SLIT3: variants seen among roughly 807,000 people sequenced by gnomAD.
The protein encoded by SLIT3 is slit homolog 3 protein.
Under a neutral mutation model 184.0 loss-of-function variants are expected in SLIT3, and 68 were observed. The ratio of observed to expected loss-of-function variants is 0.37; its 90% CI spans 0.30 to 0.45. The LOEUF (loss-of-function observed/expected upper bound fraction) is 0.45. SLIT3 is among the 20% of genes least tolerant of loss of function. The probability of loss-of-function intolerance (pLI) is 1.00; values close to 1 mark genes in which losing one functional copy is unlikely to be tolerated. For missense variants in SLIT3, 1,707 were observed against 2,026.0 expected, an observed-to-expected ratio of 0.84 and a Z score of 3.02; for synonymous variants, 831 against 828.6, an observed-to-expected ratio of 1.00 and a Z score of -0.05.
chr5:169,102,983 C>G (rs979095662), intron 4 of SLIT3, among the ~76,000 whole-genome samples: 1 of 152,162 alleles, frequency 6.6e-6, no homozygotes, highest in African/African-American at 2.4e-5. Flanking sequence ...ACTGAATCTT[C>G]GCTAAAACTT....
chr5:168,861,663 A>G (rs2113749281), intron 5 of SLIT3, among the ~76,000 whole-genome samples: 1 of 152,280 alleles, frequency 6.6e-6, no homozygotes, highest in African/African-American at 2.4e-5. Flanking sequence ...ACCAGAGAAA[A>G]TTTGCACATC....
rs1375105806 is a variant in SLIT3, at chr5:168,883,329, T to C, written c.421A>G (p.Ser141Gly). The change falls in exon 5 of 36, where the codon AGT (serine) becomes GGT (glycine). Residue 141 changes from serine to glycine, a missense_variant. Physicochemically the swap from Ser to Gly is moderately conservative, Grantham distance 56. This residue lies in a region of SLIT3 where 1,307 missense variants were observed against 1,511.6 expected (regional missense o/e 0.86). Transcript: ENST00000519560. The stretch of plus-strand genomic sequence containing the variant: ...GGGATCCCCTGGATCTGGTTTTCAC[T>C]CAAATCTCTAAACAAGAAGAGAAGA... ...STPKLTRLDL[S>G]ENQIQGIPRK... 6.2e-7 allele frequency: 1 copy of C among 1,613,394 alleles called. No homozygotes were observed. Among genetic ancestry groups the C allele is most frequent in the African/African-American group, 1.3e-5 (1 of 74,888 alleles).
Position 169,195,817 on chromosome 5 carries a change from T to C in SLIT3, c.342-2267A>G, listed in dbSNP as rs553996912. 1.2e-4 allele frequency among the ~76,000 whole-genome samples: 18 copies of C among 152,288 alleles called. No homozygotes were observed. In the Middle Eastern group the frequency reaches 0.01, roughly 86 times the overall value. ...CTGGAATTACAGGAGTGAGTCACCG[T>C]GCCCGGCTGAGGGAAGCCTGACTCT... On this transcript the variant is annotated intron_variant, in intron 3 of 35. Transcript: ENST00000519560.
In SLIT3 at chr5:168,710,994, C is replaced by A; in HGVS notation, c.2620G>T (p.Ala874Ser). 6.4e-7 allele frequency: 1 copy of A among 1,573,024 alleles called. No individual in the cohort carries two copies. Among genetic ancestry groups the A allele is most frequent in the African/African-American group, 1.3e-5 (1 of 74,094 alleles). Residue 874 changes from alanine (A) to serine (S), a missense_variant, in exon 25 of 36, where the codon GCG (alanine) becomes TCG (serine). Ala to Ser is a moderately conservative substitution (Grantham distance 99). This residue lies in a region of SLIT3 where 1,307 missense variants were observed against 1,511.6 expected (regional missense o/e 0.86). Transcript: ENST00000519560. Reference sequence around the variant, plus strand: ...GCGATGCCAGGCTCCTTGTACCCCGCCTTCACCCACTCCGACAGCCACCGA... The same window carrying A: ...GCGATGCCAGGCTCCTTGTACCCCGACTTCACCCACTCCGACAGCCACCGA... ...SLRWLSEWVK[A>S]GYKEPGIARC...
chr5:169,140,565 G>A (rs1271131093), intron 4 of SLIT3, among the ~76,000 whole-genome samples: 3 of 151,136 alleles, frequency 2.0e-5, no homozygotes, highest in African/African-American at 7.3e-5. Flanking sequence ...TAAACTTTGG[G>A]AGCCTGAGGC....
intron 4 of SLIT3, among the ~76,000 whole-genome samples, chr5:169,033,970 G>A (rs558094803): frequency 4.6e-4 from 70 of 151,734 alleles, no homozygotes; most frequent in African/African-American, 1.6e-3. Flanking sequence ...CCACCACCAC[G>A]CCCGGCTAAT....
At chr5:169,122,670 T>C (rs897253558) in intron 4 of SLIT3, among the ~76,000 whole-genome samples, 4 of 152,298 alleles carry the variant, frequency 2.6e-5, no homozygotes, top group African/African-American at 4.8e-5. Context: ...AGGTTACCGG[T>C]AACACCATCA....
chr5:168,917,206 C>T (rs1285927162), intron 4 of SLIT3, among the ~76,000 whole-genome samples: 1 of 152,192 alleles, frequency 6.6e-6, no homozygotes, highest in Non-Finnish European at 1.5e-5. Flanking sequence ...GAAATCAATA[C>T]CCTACCTAAG....
At position 168,696,279 on chromosome 5, in the gene SLIT3, A is replaced by G; in HGVS notation, c.3082+13T>C. The G allele has an allele frequency of 6.2e-7, 1 of 1,614,174 alleles. No homozygotes were observed. ...CCTCCACCCCACCATACATACAGTC[A>G]TGAGATCCTTACCTGTGTAGTTAGG... On this transcript the variant is annotated intron_variant, in intron 28 of 35. Transcript: ENST00000519560.
intron 4 of SLIT3, among the ~76,000 whole-genome samples, chr5:169,082,196 G>C (rs374505210): frequency 6.6e-6 from 1 of 152,198 alleles, no homozygotes; most frequent in East Asian, 1.9e-4. Context: ...CCATGTGGAA[G>C]CCACGCCAAA....
chr5:168,897,342 A>G (rs2113819896), intron 4 of SLIT3, among the ~76,000 whole-genome samples: 1 of 152,222 alleles, frequency 6.6e-6, no homozygotes, highest in Admixed American at 6.5e-5. Context: ...GACAGACCAG[A>G]AAGTCAGCCT....
chr5:169,205,571 G>A (rs1160628681), intron 3 of SLIT3, among the ~76,000 whole-genome samples: 3 of 152,182 alleles, frequency 2.0e-5, no homozygotes, highest in African/African-American at 7.2e-5. Flanking sequence ...ATACTTGTTG[G>A]TTAGTTGGTT....
chr5:169,226,840 G>A (rs1764829281), intron 3 of SLIT3, among the ~76,000 whole-genome samples: 1 of 152,164 alleles, frequency 6.6e-6, no homozygotes, highest in Non-Finnish European at 1.5e-5. Flanking sequence ...TCGTGGCCTA[G>A]ATTCACTTCT....
chr5:168,901,848 G>T (rs756468344), intron 4 of SLIT3, among the ~76,000 whole-genome samples: 2 of 152,130 alleles, frequency 1.3e-5, no homozygotes, highest in Non-Finnish European at 2.9e-5. Flanking sequence ...CTACCTCTTT[G>T]CCATATGCCC....
chr5:169,172,057 G>A (rs180773171), intron 4 of SLIT3, among the ~76,000 whole-genome samples: 3 of 152,108 alleles, frequency 2.0e-5, no homozygotes, highest in Non-Finnish European at 4.4e-5. Context: ...GGAGGTAGGG[G>A]GATAAGAAAG....
intron 4 of SLIT3, among the ~76,000 whole-genome samples, chr5:169,140,116 C>G (rs1761669169): frequency 6.6e-6 from 1 of 151,768 alleles, no homozygotes; most frequent in Non-Finnish European, 1.5e-5. Flanking sequence ...AAAATAAAGT[C>G]CTGACGGTGG....
At chr5:169,077,619 C>T (rs1472109521) in intron 4 of SLIT3, among the ~76,000 whole-genome samples, 3 of 152,116 alleles carry the variant, frequency 2.0e-5, no homozygotes, top group Non-Finnish European at 4.4e-5. Context: ...ATCAGTAAGG[C>T]TTCTGATCAA....
intron 4 of SLIT3, among the ~76,000 whole-genome samples, chr5:169,152,120 A>G (rs781226439): frequency 6.6e-5 from 10 of 152,208 alleles, no homozygotes; most frequent in Non-Finnish European, 1.2e-4. Context: ...CTGGACCCAG[A>G]GAGGTCATGT....
intron 4 of SLIT3, among the ~76,000 whole-genome samples, chr5:168,892,040 T>C (rs1451682868): frequency 6.6e-6 from 1 of 152,216 alleles, no homozygotes; most frequent in African/African-American, 2.4e-5. Context: ...ATGCAGAGAC[T>C]GTCACCTCCT....
Sources: gnomAD v4.1 joint callset for allele counts (sites outside exome capture counted in the v4.1 genomes callset) on GRCh38, gnomAD v4.1.1 for gene constraint, gnomAD v4.1.1 regional missense constraint, MANE v1.5 for transcripts, NCBI Gene and HGNC (gene_info 2026-07-23, HGNC 2026-07-21) for gene names.